The following GPC6 variants were observed in gnomAD, a reference collection of about 807,000 sequenced individuals.
GPC6 encodes glypican-6.
Under a neutral mutation model 55.2 loss-of-function variants are expected in GPC6, and 14 were observed. The observed-to-expected ratio is 0.25, with a 90% confidence interval of 0.17 to 0.40. The LOEUF (loss-of-function observed/expected upper bound fraction) is 0.40, where lower values mean the gene tolerates loss of function less well. Among genes scored for constraint, GPC6 ranks in the 10% least tolerant of loss-of-function variants. The probability of loss-of-function intolerance (pLI) is 1.00; values close to 1 mark genes in which losing one functional copy is unlikely to be tolerated. For missense variants in GPC6, 641 were observed against 708.5 expected, an observed-to-expected ratio of 0.90 and a Z score of 1.08; for synonymous variants, 278 against 259.6, an observed-to-expected ratio of 1.07 and a Z score of -0.68.
chr13:93,225,247 G>A (rs1034161979), upstream of GPC6, among the ~76,000 whole-genome samples: 1 of 152,150 alleles, frequency 6.6e-6, no homozygotes, highest in Non-Finnish European at 1.5e-5. Flanking sequence ...AGGAAGTCAC[G>A]TTGTCAAATA....
At chr13:93,749,380 C>T (rs760421011) in intron 2 of GPC6, among the ~76,000 whole-genome samples, 7 of 151,864 alleles carry the variant, frequency 4.6e-5, no homozygotes, top group South Asian at 2.1e-4. Context: ...TGCTTTCTAC[C>T]GTTTTGCAGT....
chr13:93,280,282 A>G (rs1217703425), intron 1 of GPC6, among the ~76,000 whole-genome samples: 2 of 152,186 alleles, frequency 1.3e-5, no homozygotes, highest in Non-Finnish European at 2.9e-5. Flanking sequence ...AAATAAATTC[A>G]GCTTTGCAAA....
chr13:93,870,784 A>G (rs1300641706), intron 3 of GPC6, among the ~76,000 whole-genome samples: 1 of 151,734 alleles, frequency 6.6e-6, no homozygotes, highest in Non-Finnish European at 1.5e-5. Flanking sequence ...TCAAAATAAA[A>G]CAAGGTTTTG....
intron 2 of GPC6, among the ~76,000 whole-genome samples, chr13:93,641,040 A>G (rs1441385664): frequency 6.6e-6 from 1 of 151,950 alleles, no homozygotes; most frequent in Non-Finnish European, 1.5e-5. Flanking sequence ...ATTTGCTAGA[A>G]TGCAACTTTA....
At chr13:93,510,999 A>ATATATATATGTG (rs1257045748) in intron 1 of GPC6, among the ~76,000 whole-genome samples, 26 of 22,786 alleles carry the variant, frequency 1.1e-3, no homozygotes, top group Non-Finnish European at 2.6e-3. Flanking sequence ...ATATATATAT[A>ATATATATATGTG]TATATATTCA....
chr13:93,398,611 T>C (rs1196366192), intron 1 of GPC6, among the ~76,000 whole-genome samples: 1 of 152,114 alleles, frequency 6.6e-6, no homozygotes, highest in Non-Finnish European at 1.5e-5. Context: ...GGGTATGGCA[T>C]GTGTGGAATA....
At chr13:93,355,330 A>G (rs554752711) in intron 1 of GPC6, among the ~76,000 whole-genome samples, 1 of 152,298 alleles carries the variant, frequency 6.6e-6, no homozygotes, top group South Asian at 2.1e-4. Context: ...AGCACACATG[A>G]CACTAGGTGA....
intron 1 of GPC6, among the ~76,000 whole-genome samples, chr13:93,481,965 G>C (rs991508386): frequency 6.6e-6 from 1 of 152,080 alleles, no homozygotes; most frequent in Non-Finnish European, 1.5e-5. Flanking sequence ...CTGAGATTTT[G>C]ACAGAAATTG....
At chr13:93,616,662 C>A (rs534553773) in intron 2 of GPC6, among the ~76,000 whole-genome samples, 1 of 152,172 alleles carries the variant, frequency 6.6e-6, no homozygotes, top group South Asian at 2.1e-4. Context: ...CAAGAACCAT[C>A]CTAAATAATA....
At chr13:94,392,439 T>C in intron 7 of GPC6, among the ~76,000 whole-genome samples, 1 of 71,836 alleles carries the variant, frequency 1.4e-5, no homozygotes, top group Non-Finnish European at 2.7e-5. Flanking sequence ...TTTTTTTTTT[T>C]TTTTTGGAGA....
At chr13:93,999,394 G>A (rs1346982199) in intron 3 of GPC6, among the ~76,000 whole-genome samples, 1 of 152,160 alleles carries the variant, frequency 6.6e-6, no homozygotes, top group Non-Finnish European at 1.5e-5. Context: ...ATTCCATGGT[G>A]CATATGTGCC....
chr13:93,673,816 T>C (rs1881471360), intron 2 of GPC6, among the ~76,000 whole-genome samples: 1 of 152,192 alleles, frequency 6.6e-6, no homozygotes, highest in South Asian at 2.1e-4. Flanking sequence ...TGTATTTGGC[T>C]TTTCAATTTT....
chr13:93,725,213 AC>A (rs1332754294), intron 2 of GPC6, among the ~76,000 whole-genome samples: 7 of 140,838 alleles, frequency 5.0e-5, no homozygotes, highest in Admixed American at 4.1e-4. Context: ...GAGTGGAAGA[AC>A]AGCTAACATT....
chr13:93,370,600 C>A (rs1005704191), intron 1 of GPC6, among the ~76,000 whole-genome samples: 1 of 152,026 alleles, frequency 6.6e-6, no homozygotes, highest in African/African-American at 2.4e-5. Flanking sequence ...TTCAAGAATC[C>A]AGGTTTTGTT....
At chr13:94,387,384 G>T (rs1428547422) in intron 7 of GPC6, among the ~76,000 whole-genome samples, 1 of 152,186 alleles carries the variant, frequency 6.6e-6, no homozygotes, top group Non-Finnish European at 1.5e-5. Flanking sequence ...CTGAAAACAA[G>T]AATGGGTTAA....
intron 2 of GPC6, among the ~76,000 whole-genome samples, chr13:93,709,130 A>G (rs545971135): frequency 1.3e-5 from 2 of 151,960 alleles, no homozygotes; most frequent in South Asian, 4.1e-4. Flanking sequence ...CATGTTACTT[A>G]TTATATTACT....
chr13:93,780,242 T>G (rs1885595491), intron 2 of GPC6, among the ~76,000 whole-genome samples: 1 of 152,090 alleles, frequency 6.6e-6, no homozygotes, highest in African/African-American at 2.4e-5. Flanking sequence ...GTGTATTAGA[T>G]TCATTTATTG....
At chr13:93,724,924 C>T (rs1383510234) in intron 2 of GPC6, among the ~76,000 whole-genome samples, 1 of 151,958 alleles carries the variant, frequency 6.6e-6, no homozygotes, top group Non-Finnish European at 1.5e-5. Context: ...TCTTGTTGCA[C>T]TCATGGATTT....
chr13:93,460,461 A>C (rs1878634273), intron 1 of GPC6, among the ~76,000 whole-genome samples: 1 of 152,204 alleles, frequency 6.6e-6, no homozygotes, highest in Non-Finnish European at 1.5e-5. Context: ...AAACATTTAA[A>C]TCTACACAAC....
Sources: gnomAD v4.1 joint callset for allele counts (sites outside exome capture counted in the v4.1 genomes callset) on GRCh38, gnomAD v4.1.1 for gene constraint, MANE v1.5 for transcripts, NCBI Gene and HGNC (gene_info 2026-07-23, HGNC 2026-07-21) for gene names.